PARD3B: variants seen among roughly 807,000 people sequenced by gnomAD.
PARD3B encodes par-3 family cell polarity regulator beta.
A neutral mutation model predicts 130.2 loss-of-function variants in PARD3B; 103 were observed. The ratio of observed to expected loss-of-function variants is 0.79; its 90% CI spans 0.67 to 0.93. PARD3B has a LOEUF of 0.93. PARD3B is among the 40% of genes least tolerant of loss of function. The pLI is 0.00. For synonymous variants in PARD3B, 583 were observed against 553.2 expected (o/e 1.05, Z -0.76); for missense variants, 1,609 against 1,499.2 (o/e 1.07, Z -1.21).
chr2:204,792,044 A>G (rs1019996927), intron 2 of PARD3B, among the ~76,000 whole-genome samples: 2 of 152,236 alleles, frequency 1.3e-5, no homozygotes, highest in African/African-American at 4.8e-5. Context: ...GGCTTCAGAA[A>G]GAATGCTAGA....
At chr2:204,562,572 G>C (rs575346000) in intron 1 of PARD3B, among the ~76,000 whole-genome samples, 1 of 152,188 alleles carries the variant, frequency 6.6e-6, no homozygotes, top group Middle Eastern at 3.2e-3. Context: ...GAAACTGAAA[G>C]AGTTTTACTT....
In PARD3B at chr2:204,651,081, C is replaced by A. The variant is rs904345373; in HGVS notation, c.121-35100C>A. 4.6e-4 allele frequency among the ~76,000 whole-genome samples: 70 copies of A among 152,126 alleles called. 1 individual carries two copies. Among genetic ancestry groups the A allele is most frequent in the Non-Finnish European group, 8.8e-5 (6 of 68,024 alleles). On this transcript the variant is annotated intron_variant, in intron 1 of 22. Coordinates refer to ENST00000406610, the MANE Select transcript of PARD3B (RefSeq NM_001302769.2). ...ATTTGGGTGAGGACCCAGAGCCAAA[C>A]CATATTATTCTGCCGCTGACCCCTG...
At chr2:205,067,272 C>T (rs1231104796) in intron 4 of PARD3B, among the ~76,000 whole-genome samples, 1 of 151,822 alleles carries the variant, frequency 6.6e-6, no homozygotes, top group Non-Finnish European at 1.5e-5. Context: ...CCAAGCAGTC[C>T]TGCCTCAGCT....
chr2:205,286,309 G>A (rs1484638174), intron 16 of PARD3B, among the ~76,000 whole-genome samples: 1 of 152,052 alleles, frequency 6.6e-6, no homozygotes, highest in Non-Finnish European at 1.5e-5. Flanking sequence ...TGAGTTAATA[G>A]ATATATATAA....
At chr2:204,588,857 A>T (rs2032951067) in intron 1 of PARD3B, among the ~76,000 whole-genome samples, 1 of 152,154 alleles carries the variant, frequency 6.6e-6, no homozygotes, top group Admixed American at 6.6e-5. Context: ...TTTGTAGAGT[A>T]CAGAGAGGGC....
At chr2:204,882,783 G>A (rs72940412) in intron 2 of PARD3B, among the ~76,000 whole-genome samples, 1,983 of 152,166 alleles carry the variant, frequency 0.013, 15 homozygotes, top group Middle Eastern at 0.034. Context: ...ATGGCTTTTC[G>A]GAGAGGTCAG....
chr2:204,743,878 T>C (rs2125369517), intron 2 of PARD3B, among the ~76,000 whole-genome samples: 1 of 152,252 alleles, frequency 6.6e-6, no homozygotes, highest in South Asian at 2.1e-4. Flanking sequence ...AAGTAAGGAC[T>C]TCTCATTTCT....
chr2:205,531,052 G>T (rs1258286270), intron 21 of PARD3B, among the ~76,000 whole-genome samples: 1 of 152,212 alleles, frequency 6.6e-6, no homozygotes, highest in African/African-American at 2.4e-5. Flanking sequence ...CGTGATTGCT[G>T]TGGAAGAACT....
At position 204,984,687 on chromosome 2, in the gene PARD3B, G is replaced by T. The variant is rs542388255; in HGVS notation, c.394+19364G>T. Among the ~76,000 whole-genome samples, 5 of 152,210 alleles carry T rather than the reference G, an allele frequency of 3.3e-5. No homozygotes were observed. The South Asian group carries it at 1.0e-3, about 32-fold the overall frequency. ...GGGCTTTCTCCTCTTTGAGGAGCCA[G>T]ATGTCATGGTTAGGAGGAGAAGGGC... On this transcript the variant is annotated intron_variant, in intron 3 of 22. Transcript: ENST00000406610.
chr2:205,615,710 A>G lies in PARD3B; in HGVS notation c.3515A>G (p.Tyr1172Cys), dbSNP rs1343782631. 1.2e-6 allele frequency: 2 copies of G among 1,614,062 alleles called. No individual in the cohort carries two copies. The highest frequency in any genetic ancestry group is 1.7e-5 in the Admixed American group (1 of 60,006). Reference protein sequence around the residue: ...SPPQHQRMPAYQETGRPGPRG... With the variant: ...SPPQHQRMPACQETGRPGPRG... ...CCCCAGCACCAAAGAATGCCAGCCT[A>G]TCAGGAAACAGGCAGACCAGGGCCC... Residue 1172 changes from tyrosine to cysteine, a missense_variant, in exon 23 of 23, where the codon TAT becomes TGT. Coordinates refer to ENST00000406610, the MANE Select transcript of PARD3B (RefSeq NM_001302769.2).
chr2:205,224,820 G>A (rs549643141), intron 15 of PARD3B, among the ~76,000 whole-genome samples: 7 of 151,644 alleles, frequency 4.6e-5, no homozygotes, highest in Admixed American at 6.6e-5. Flanking sequence ...TATTCCATGG[G>A]TCGAAAGAAA....
At chr2:205,156,431 AAAAG>A (rs1467146052) in intron 10 of PARD3B, among the ~76,000 whole-genome samples, 23 of 152,142 alleles carry the variant, frequency 1.5e-4, no homozygotes, top group Non-Finnish European at 3.1e-4. Context: ...AATTTAAAAA[AAAAG>A]AAAATGTGTC....
At chr2:204,631,510 A>T (rs2034680446) in intron 1 of PARD3B, among the ~76,000 whole-genome samples, 1 of 152,090 alleles carries the variant, frequency 6.6e-6, no homozygotes. Flanking sequence ...AGCCTCCCAA[A>T]GTGCGGGATT....
chr2:204,634,046 C>T (rs1362221085), intron 1 of PARD3B, among the ~76,000 whole-genome samples: 1 of 152,084 alleles, frequency 6.6e-6, no homozygotes, highest in African/African-American at 2.4e-5. Context: ...ACTATAATTA[C>T]CCTATTTGCT....
At chr2:204,789,055 C>T (rs1325308239) in intron 2 of PARD3B, among the ~76,000 whole-genome samples, 2 of 152,032 alleles carry the variant, frequency 1.3e-5, no homozygotes, top group Admixed American at 1.3e-4. Context: ...AATTTTATTA[C>T]TATTGCTATT....
chr2:204,551,073 TG>T (rs1023546815), intron 1 of PARD3B, among the ~76,000 whole-genome samples: 1 of 152,168 alleles, frequency 6.6e-6, no homozygotes, highest in African/African-American at 2.4e-5. Flanking sequence ...GCATTACACA[TG>T]CTTCCAACTT....
chr2:204,694,557 T>C (rs1406397105), intron 2 of PARD3B, among the ~76,000 whole-genome samples: 1 of 152,056 alleles, frequency 6.6e-6, no homozygotes, highest in Non-Finnish European at 1.5e-5. Flanking sequence ...TCTAATTGAC[T>C]ACCTTTTTCT....
intron 15 of PARD3B, among the ~76,000 whole-genome samples, chr2:205,208,979 G>A (rs1392433689): frequency 1.6e-5 from 2 of 126,780 alleles, no homozygotes; most frequent in Middle Eastern, 3.6e-3. Context: ...ATACTACAAG[G>A]CTACAGTAAC....
Position 205,421,669 on chromosome 2 carries a change from C to A in PARD3B, c.2742-18701C>A, listed in dbSNP as rs932370029. ...TTCTATTGCTGCTGTAACAAATTACCACATACTTGGTATCATAAAACAACA... is the reference window on the plus strand; with the variant it reads ...TTCTATTGCTGCTGTAACAAATTACAACATACTTGGTATCATAAAACAACA... On this transcript the variant is annotated intron_variant, in intron 19 of 22. Coordinates refer to ENST00000406610, the MANE Select transcript of PARD3B (RefSeq NM_001302769.2). The surrounding 1 kb of genome is among the most constrained non-coding windows in gnomAD (Gnocchi z 5.1). 6.6e-6 allele frequency among the ~76,000 whole-genome samples: 1 copy of A among 152,110 alleles called. No individual in the cohort carries two copies. Among genetic ancestry groups the A allele is most frequent in the Non-Finnish European group, 1.5e-5 (1 of 68,012 alleles).
Sources: gnomAD v4.1 joint callset for allele counts (sites outside exome capture counted in the v4.1 genomes callset) on GRCh38, gnomAD v4.1.1 for gene constraint, Gnocchi (gnomAD v3.1) non-coding constraint, MANE v1.5 for transcripts, NCBI Gene and HGNC (gene_info 2026-07-23, HGNC 2026-07-21) for gene names.